The following CEP250 variants were observed in gnomAD, a reference collection of about 807,000 sequenced individuals.
CEP250 encodes the protein centrosome-associated protein CEP250.
CEP250 carries 242 observed loss-of-function variants against 315.7 expected under a neutral mutation model. The observed-to-expected ratio is 0.77, with a 90% CI of 0.69 to 0.85. CEP250 has a LOEUF of 0.85. CEP250 is among the 40% of genes least tolerant of loss of function. CEP250 has a pLI of 0.00. For missense variants in CEP250, 2,515 were observed against 2,886.4 expected (o/e 0.87, Z 2.95); for synonymous variants, 1,088 against 1,175.0 (o/e 0.93, Z 1.51).
rs1169683735 is a variant in CEP250, at chr20:35,507,600, C to T, written c.6637-138C>T. ...CTATCTGTAAAATGAAGGTTCTGTA[C>T]TAGAATGACTCAGAGCCTCTAGGAA... On this transcript the variant is annotated intron_variant, in intron 30 of 34. Coordinates refer to ENST00000397527, the MANE Select transcript of CEP250 (RefSeq NM_007186.6). 17 of 707,848 alleles carry T rather than the reference C, an allele frequency of 2.4e-5. No homozygotes were observed. In the East Asian group the frequency reaches 3.6e-4, roughly 15 times the overall value. The allele number at this position is 707,848 out of a possible 1,614,324, so 43.8% of individuals were successfully genotyped here. A position where few individuals can be genotyped will look rare whatever the true frequency, so the allele number is the denominator to read the frequency against.
chr20:35,470,614 GT>G (rs1354193312), intron 10 of CEP250, among the ~76,000 whole-genome samples: 3 of 152,170 alleles, frequency 2.0e-5, no homozygotes, highest in Non-Finnish European at 4.4e-5. Context: ...TTAGCCGGTC[GT>G]GGTGGCACAT....
intron 9 of CEP250, among the ~76,000 whole-genome samples, chr20:35,469,550 T>C (rs191486845): frequency 6.6e-6 from 1 of 152,216 alleles, no homozygotes; most frequent in Non-Finnish European, 1.5e-5. Flanking sequence ...AATTCTGATG[T>C]TCTTATTGGC....
Position 35,512,939 on chromosome 20 carries a change from C to G in CEP250, c.*1313C>G, listed in dbSNP as rs1030217925. 3.3e-5 allele frequency: 5 copies of G among 152,314 alleles called. No homozygotes were observed. Among genetic ancestry groups the G allele is most frequent in the African/African-American group, 1.2e-4 (5 of 41,430 alleles). The allele number at this position is 152,314 out of a possible 1,614,324, so 9.4% of individuals were successfully genotyped here. A position where few individuals can be genotyped will look rare whatever the true frequency, so the allele number is the denominator to read the frequency against. The stretch of plus-strand genomic sequence containing the variant: ...TAATCTGGAATTCCTCTTTACTAAG[C>G]CTGGGGATGGAACTGAGACCTAGCC... On this transcript the variant is annotated 3_prime_UTR_variant, in exon 35 of 35. Transcript: ENST00000397527.
intron 17 of CEP250, among the ~76,000 whole-genome samples, chr20:35,478,658 A>T (rs1476646153): frequency 1.3e-5 from 2 of 152,204 alleles, no homozygotes. Flanking sequence ...ATAGCACCTC[A>T]TGCTTATTTT....
Position 35,511,650 on chromosome 20 carries a change from A to G in CEP250, c.*24A>G, listed in dbSNP as rs1253166159. The G allele has an allele frequency of 1.9e-6, 3 of 1,597,236 alleles. No homozygotes were observed. The highest frequency in any genetic ancestry group is 2.6e-6 in the Non-Finnish European group (3 of 1,170,264). The stretch of plus-strand genomic sequence containing the variant: ...AGCAGCCACAGCCAGGAGCACACAG[A>G]CAGAAGACTGTGTCATGGGTCATGG... On this transcript the variant is annotated 3_prime_UTR_variant, in exon 35 of 35. Transcript: ENST00000397527.
At position 35,504,934 on chromosome 20, in the gene CEP250, A is replaced by T; in HGVS notation, c.6565A>T (p.Ser2189Cys). 6.2e-7 allele frequency: 1 copy of T among 1,614,172 alleles called. No individual in the cohort carries two copies. The change falls in exon 30 of 35, where the codon AGT (serine) becomes TGT (cysteine). Residue 2189 changes from serine to cysteine, a missense_variant. Transcript: ENST00000397527. ...SLAQTKASVS[S>C]LQEVAMFLQA... is the part of the protein sequence containing the mutation. The stretch of plus-strand genomic sequence containing the variant: ...AGCGCAGACCAAGGCCAGTGTCAGC[A>T]GTCTGCAGGAGGTAGCCATGTTCCT...
chr20:35,465,975 C>G, intron 6 of CEP250, 64 bp from the exon 7 acceptor site: 1 of 1,586,740 alleles, frequency 6.3e-7, no homozygotes, highest in East Asian at 2.2e-5. Flanking sequence ...ATCTTACTCC[C>G]AGGAGGTCCA....
chr20:35,508,313 G>GT (rs1158439347), intron 32 of CEP250, 123 bp downstream of exon 32: 183 of 1,097,372 alleles, frequency 1.7e-4, no homozygotes, highest in African/African-American at 1.6e-3. Context: ...TGAAAATTAA[G>GT]TTTGTTTTTT....
At chr20:35,492,594 G>T (rs2063728420) in intron 22 of CEP250, among the ~76,000 whole-genome samples, 1 of 152,216 alleles carries the variant, frequency 6.6e-6, no homozygotes, top group South Asian at 2.1e-4. Context: ...GGAAGTTCAA[G>T]GACAAAAAGG....
intron 24 of CEP250, among the ~76,000 whole-genome samples, chr20:35,495,470 AG>A (rs1308274938): frequency 6.6e-6 from 1 of 152,188 alleles, no homozygotes; most frequent in Non-Finnish European, 1.5e-5. Context: ...GAATTTGAGA[AG>A]GGGATGGGCT....
chr20:35,464,936 A>G lies in CEP250; in HGVS notation c.244-807A>G, dbSNP rs116439240. On this transcript the variant is annotated intron_variant, in intron 5 of 34. Transcript: ENST00000397527. ...GACTGTCTCAAAAAGAAAAGAAAAA[A>G]AGAAAACGTCGTAAGTTGAAAACAC... 9.2e-3 allele frequency among the ~76,000 whole-genome samples: 1,395 copies of G among 152,252 alleles called. 16 individuals carry two copies. Among genetic ancestry groups the G allele is most frequent in the African/African-American group, 0.031 (1,291 of 41,538 alleles).
rs368667877 is a variant in CEP250 at position 35,509,002 on chromosome 20, C to T, written c.6966C>T (p.Ser2322=). 3 of 1,559,104 alleles carry T rather than the reference C, an allele frequency of 1.9e-6. No homozygotes were observed. Among genetic ancestry groups the T allele is most frequent in the Middle Eastern group, 1.7e-4 (1 of 6,018 alleles). Residue 2322 remains serine, a synonymous_variant, in exon 33 of 35, where the codon TCC becomes TCT. Coordinates refer to ENST00000397527, the MANE Select transcript of CEP250 (RefSeq NM_007186.6). ...CCATGCGTGCGGCCCAGGCAGGGTCCCTAGAGATCAGCAAGGCCACGGCTT... is the reference window on the plus strand; with the variant it reads ...CCATGCGTGCGGCCCAGGCAGGGTCTCTAGAGATCAGCAAGGCCACGGCTT... ...REAMRAAQAG[S]LEISKATASS...
chr20:35,500,150 G>C lies in CEP250; in HGVS notation c.3879G>C (p.Gln1293His). ...VHTELQDLQRQLSQNQEEKSK... is the reference protein window; with the variant it reads ...VHTELQDLQRHLSQNQEEKSK... ...CAGAGTTGCAGGATCTGCAGAGACA[G>C]CTCTCCCAGAATCAGGAAGGTGAGA... Residue 1293 changes from glutamine (Q) to histidine (H), a missense_variant, in exon 28 of 35, where the codon CAG (glutamine) becomes CAC (histidine). By Grantham distance (24) the Gln-to-His change is conservative. Coordinates refer to ENST00000397527, the MANE Select transcript of CEP250 (RefSeq NM_007186.6). The C allele has an allele frequency of 6.2e-7, 1 of 1,613,984 alleles. No homozygotes were observed. The highest frequency in any genetic ancestry group is 8.5e-7 in the Non-Finnish European group (1 of 1,180,024).
At chr20:35,506,534 A>G (rs1237177314) in intron 30 of CEP250, among the ~76,000 whole-genome samples, 1 of 152,124 alleles carries the variant, frequency 6.6e-6, no homozygotes, top group African/African-American at 2.4e-5. Context: ...GCCCAGTCCA[A>G]TTTTCCAGGG....
At chr20:35,481,255 CA>C (rs1024911384) in intron 20 of CEP250, 6 of 150,002 alleles carry the variant, frequency 4.0e-5, no homozygotes, top group East Asian at 3.9e-4. Flanking sequence ...CCATTCCCTA[CA>C]AAAAAAAATA....
intron 33 of CEP250, 144 bp from the exon 34 acceptor site, chr20:35,509,854 A>G: frequency 2.8e-6 from 2 of 726,580 alleles, no homozygotes; most frequent in Non-Finnish European, 4.9e-6. Flanking sequence ...GCTGCCCCAT[A>G]GACGTCCAGT....
In CEP250 at chr20:35,512,899, C is replaced by T. The variant is rs2064389100; in HGVS notation, c.*1273C>T. 2 of 152,318 alleles carry T rather than the reference C, an allele frequency of 1.3e-5. No homozygotes were observed. The highest frequency in any genetic ancestry group is 2.9e-5 in the Non-Finnish European group (2 of 68,148). The allele number at this position is 152,318 out of a possible 1,614,324, so 9.4% of individuals were successfully genotyped here. A position where few individuals can be genotyped will look rare whatever the true frequency, so the allele number is the denominator to read the frequency against. ...TAAAGAAGCAGGCCATTACCTTCCT[C>T]TGGCACTCCCACCATAATCTGGAAT... On this transcript the variant is annotated 3_prime_UTR_variant, in exon 35 of 35. Coordinates refer to ENST00000397527, the MANE Select transcript of CEP250 (RefSeq NM_007186.6).
intron 16 of CEP250, 47 bp downstream of exon 16, chr20:35,476,642 T>C (rs776963743): frequency 1.3e-6 from 2 of 1,569,002 alleles, no homozygotes; most frequent in Admixed American, 3.4e-5. Context: ...GGGCCCTAAC[T>C]GAGAGCAAGA....
In CEP250 at chr20:35,510,138, C is replaced by T. The variant is rs1290173763; in HGVS notation, c.7065+84C>T. Reference sequence around the variant, plus strand: ...CCTCCAGCAGGGAGAGGGGAAGTTCCTCCCTTCAGAGAACTTCAGTCTCCA... The same window carrying T: ...CCTCCAGCAGGGAGAGGGGAAGTTCTTCCCTTCAGAGAACTTCAGTCTCCA... On this transcript the variant is annotated intron_variant, in intron 34 of 34. Transcript: ENST00000397527. 4.6e-6 allele frequency: 6 copies of T among 1,315,380 alleles called. No homozygotes were observed. In the East Asian group the frequency reaches 1.4e-4, roughly 30 times the overall value. The allele number at this position is 1,315,380 out of a possible 1,614,324, so 81.5% of individuals were successfully genotyped here.
Sources: gnomAD v4.1 joint callset for allele counts (sites outside exome capture counted in the v4.1 genomes callset) on GRCh38, gnomAD v4.1.1 for gene constraint, MANE v1.5 for transcripts, NCBI Gene and HGNC (gene_info 2026-07-23, HGNC 2026-07-21) for gene names.